Variants in MAP3K7CL observed in about 807,000 individuals in gnomAD.
The protein encoded by MAP3K7CL is MAP3K7 C-terminal-like protein.
In MAP3K7CL, 16 loss-of-function variants were observed where a neutral mutation model predicts 18.6. The observed-to-expected ratio is 0.86, with a 90% CI of 0.58 to 1.31. The LOEUF is 1.31. Among genes scored for constraint, MAP3K7CL ranks in the 50% most tolerant of loss-of-function variants. The pLI, the probability that MAP3K7CL is intolerant of heterozygous loss-of-function variation, is 0.00. For synonymous variants in MAP3K7CL, 65 were observed against 66.8 expected (o/e 0.97, Z 0.13); for missense variants, 163 against 174.4 (o/e 0.93, Z 0.37).
intron 4 of MAP3K7CL, among the ~76,000 whole-genome samples, chr21:29,113,087 G>A (rs2086447642): frequency 2.0e-5 from 3 of 152,110 alleles, no homozygotes; most frequent in South Asian, 2.1e-4. Context: ...GAGCCACTGC[G>A]CCCGGCCCCA....
chr21:29,081,275 C>T (rs1348021293), upstream of MAP3K7CL, among the ~76,000 whole-genome samples: 1 of 152,186 alleles, frequency 6.6e-6, no homozygotes, highest in East Asian at 1.9e-4. Flanking sequence ...GTCAGCCGGG[C>T]GTGGTGGCTC....
intron 4 of MAP3K7CL, among the ~76,000 whole-genome samples, chr21:29,125,604 T>C (rs2086667934): frequency 6.6e-6 from 1 of 152,204 alleles, no homozygotes; most frequent in African/African-American, 2.4e-5. Context: ...CAATTTTTCT[T>C]TGTCAATTAA....
chr21:29,149,642 T>C (rs1293166097), intron 3 of MAP3K7CL, among the ~76,000 whole-genome samples: 2 of 152,246 alleles, frequency 1.3e-5, no homozygotes, highest in African/African-American at 4.8e-5. Context: ...GCCAAGACTT[T>C]GGAATAATCT....
chr21:29,168,407 C>A (rs763125512), intron 4 of MAP3K7CL, among the ~76,000 whole-genome samples: 1 of 152,152 alleles, frequency 6.6e-6, no homozygotes, highest in Non-Finnish European at 1.5e-5. Context: ...ACTTGCTGAG[C>A]AAATGAGTAG....
intron 2 of MAP3K7CL, among the ~76,000 whole-genome samples, chr21:29,138,296 A>G (rs1205503344): frequency 6.6e-6 from 1 of 152,266 alleles, no homozygotes; most frequent in Non-Finnish European, 1.5e-5. Context: ...TGAGCTAATG[A>G]TATTAATGAT....
At chr21:29,101,225 G>A (rs929642717) in intron 4 of MAP3K7CL, among the ~76,000 whole-genome samples, 2 of 152,170 alleles carry the variant, frequency 1.3e-5, no homozygotes, top group East Asian at 1.9e-4. Context: ...ATTTACATGG[G>A]TGTGAAAAGC....
At chr21:29,108,381 G>C (rs1416274547) in intron 4 of MAP3K7CL, among the ~76,000 whole-genome samples, 2 of 152,250 alleles carry the variant, frequency 1.3e-5, no homozygotes, top group South Asian at 4.2e-4. Flanking sequence ...GGACTTCCTA[G>C]CCTAGAACTG....
chr21:29,088,044 G>A (rs946494097), intron 1 of MAP3K7CL, among the ~76,000 whole-genome samples: 3 of 152,186 alleles, frequency 2.0e-5, no homozygotes, highest in African/African-American at 7.2e-5. Context: ...AAGTGAGTAA[G>A]AGCTTCTTCG....
intron 4 of MAP3K7CL, among the ~76,000 whole-genome samples, chr21:29,101,777 G>A (rs975347265): frequency 6.6e-6 from 1 of 152,108 alleles, no homozygotes; most frequent in African/African-American, 2.4e-5. Context: ...TCTTGATTAT[G>A]TGTCAGTAAA....
chr21:29,097,428 T>A (rs1377535848), intron 4 of MAP3K7CL, among the ~76,000 whole-genome samples: 2 of 152,166 alleles, frequency 1.3e-5, no homozygotes, highest in Non-Finnish European at 2.9e-5. Context: ...CTATTGTTCA[T>A]AAAACATAGG....
At chr21:29,155,512 A>T (rs549379360) in intron 3 of MAP3K7CL, among the ~76,000 whole-genome samples, 1 of 152,268 alleles carries the variant, frequency 6.6e-6, no homozygotes, top group East Asian at 1.9e-4. Flanking sequence ...AGTGGAATCC[A>T]CTTCGGGAGG....
At chr21:29,163,254 T>C (rs2087598521) in intron 4 of MAP3K7CL, among the ~76,000 whole-genome samples, 1 of 152,228 alleles carries the variant, frequency 6.6e-6, no homozygotes, top group African/African-American at 2.4e-5. Flanking sequence ...TATGCCTGTG[T>C]GTGTTTCTGC....
At position 29,109,169 on chromosome 21, in the gene MAP3K7CL, C is replaced by T. The variant is rs922792320; in HGVS notation, c.370+16588C>T. ...TCCTCTTCCCTAACGCCCTTTCCAC[C>T]AGTGCGGACTGCAGGTATGGACATA... On this transcript the variant is annotated intron_variant, in intron 4 of 6. Coordinates refer to the MAP3K7CL transcript ENST00000286791. 1.3e-5 allele frequency: 20 copies of T among 1,535,262 alleles called. No homozygotes were observed. In the African/African-American group the frequency reaches 2.1e-4, roughly 16 times the overall value.
At chr21:29,087,294 T>C (rs1315452864) in intron 1 of MAP3K7CL, among the ~76,000 whole-genome samples, 1 of 152,230 alleles carries the variant, frequency 6.6e-6, no homozygotes, top group East Asian at 1.9e-4. Context: ...ATTTTATTTT[T>C]ATCCTAAAAG....
intron 3 of MAP3K7CL, among the ~76,000 whole-genome samples, chr21:29,153,970 G>T (rs2087339597): frequency 6.6e-6 from 1 of 152,172 alleles, no homozygotes; most frequent in Non-Finnish European, 1.5e-5. Context: ...ATGTTTTATT[G>T]TCAGGTATAG....
chr21:29,114,345 G>T (rs1054221325), intron 4 of MAP3K7CL, among the ~76,000 whole-genome samples: 48 of 149,032 alleles, frequency 3.2e-4, no homozygotes, highest in Non-Finnish European at 4.5e-4. Flanking sequence ...CTGGGATTAC[G>T]GGTGTGTGCC....
At chr21:29,077,223 G>A (rs919216518), upstream of MAP3K7CL, among the ~76,000 whole-genome samples, 2 of 152,264 alleles carry the variant, frequency 1.3e-5, no homozygotes, top group African/African-American at 4.8e-5. Context: ...GTGGTTGATG[G>A]GACTGGGCGC....
At chr21:29,094,918 G>T (rs1023553090) in intron 4 of MAP3K7CL, among the ~76,000 whole-genome samples, 2 of 152,080 alleles carry the variant, frequency 1.3e-5, no homozygotes, top group African/African-American at 4.8e-5. Flanking sequence ...AATTAGCCGG[G>T]CATGGTGGCA....
chr21:29,170,957 A>G (rs1192174347), intron 4 of MAP3K7CL, among the ~76,000 whole-genome samples: 2 of 128,024 alleles, frequency 1.6e-5, no homozygotes, highest in African/African-American at 6.2e-5. Context: ...TTTTTTTTTA[A>G]TTTATATAGG....
Sources: allele counts gnomAD v4.1 joint callset (sites outside exome capture counted in the v4.1 genomes callset), GRCh38; gene constraint gnomAD v4.1.1; transcripts MANE v1.5; gene names NCBI Gene and HGNC (gene_info 2026-07-23, HGNC 2026-07-21).